The following STX1A variants were observed in gnomAD, a reference collection of about 807,000 sequenced individuals.
STX1A encodes syntaxin-1A.
A neutral mutation model predicts 37.8 loss-of-function variants in STX1A; 4 were observed. The observed-to-expected ratio is 0.11, with a 90% CI of 0.05 to 0.24. The LOEUF (loss-of-function observed/expected upper bound fraction) is 0.24. STX1A is among the 10% of genes least tolerant of loss of function. The pLI is 1.00. For missense variants in STX1A, 251 were observed against 399.9 expected (o/e 0.63, Z 3.18); for synonymous variants, 135 against 147.4 (o/e 0.92, Z 0.61).
chr7:73,714,706 C>G (rs573416189), intron 1 of STX1A, among the ~76,000 whole-genome samples: 3 of 151,860 alleles, frequency 2.0e-5, no homozygotes, highest in African/African-American at 7.3e-5. Flanking sequence ...AGCTAACATC[C>G]TGGTGTTTTT....
At chr7:73,708,565 C>T (rs1798971983) in intron 3 of STX1A, 24 bp downstream of exon 3, 1 of 1,604,976 alleles carries the variant, frequency 6.2e-7, no homozygotes, top group Non-Finnish European at 8.5e-7. Context: ...GGCCTGAAAC[C>T]CGTCCCCCGC....
chr7:73,714,929 A>G (rs1163666024), intron 1 of STX1A, among the ~76,000 whole-genome samples: 6 of 152,044 alleles, frequency 3.9e-5, no homozygotes, highest in Admixed American at 1.3e-4. Context: ...GTTCAAGAAC[A>G]GCCTGGTCAA....
chr7:73,719,655 C>T lies in STX1A; in HGVS notation c.-24G>A. 4 of 1,180,636 alleles carry T rather than the reference C, an allele frequency of 3.4e-6. No individual in the cohort carries two copies. The highest frequency in any genetic ancestry group is 4.2e-6 in the Non-Finnish European group (4 of 951,764). The allele number at this position is 1,180,636 out of a possible 1,614,324, so 73.1% of individuals were successfully genotyped here. On this transcript the variant is annotated 5_prime_UTR_variant, in exon 1 of 10. Transcript: ENST00000222812. Reference sequence around the variant, plus strand: ...ATGCTCCCGGGAGTGGCAGCGGCGCCGGCTGCAGCCGTGTGAGCCCCGCAT... The same window carrying T: ...ATGCTCCCGGGAGTGGCAGCGGCGCTGGCTGCAGCCGTGTGAGCCCCGCAT...
At chr7:73,715,023 G>A (rs1307982926) in intron 1 of STX1A, among the ~76,000 whole-genome samples, 1 of 152,038 alleles carries the variant, frequency 6.6e-6, no homozygotes, top group Non-Finnish European at 1.5e-5. Flanking sequence ...TACTCGGTAG[G>A]ATGAGGCAGG....
chr7:73,714,709 G>GTGTTTT (rs1174773491), intron 1 of STX1A, among the ~76,000 whole-genome samples: 3 of 151,800 alleles, frequency 2.0e-5, no homozygotes, highest in African/African-American at 4.8e-5. Context: ...TAACATCCTG[G>GTGTTTT]TGTTTTTTTG....
Position 73,702,817 on chromosome 7 carries a change from G to C in STX1A, c.678+28C>G, listed in dbSNP as rs782339479. ...GCCCTGGGTGCTGGTGTGGGCTGGA[G>C]TGGAGGGCAGGGGGGCCCGGCACTC... On this transcript the variant is annotated intron_variant, in intron 8 of 9. Transcript: ENST00000222812. The surrounding 1 kb of genome is among the most constrained non-coding windows in gnomAD (Gnocchi z 4.7). 1 of 1,613,860 alleles carries C rather than the reference G, an allele frequency of 6.2e-7. No individual in the cohort carries two copies. The highest frequency in any genetic ancestry group is 8.5e-7 in the Non-Finnish European group (1 of 1,179,966).
chr7:73,719,562 C>A (rs1554619250), intron 1 of STX1A, 40 bp downstream of exon 1: 1 of 1,204,734 alleles, frequency 8.3e-7, no homozygotes. Context: ...TTGGCGCTGG[C>A]GGCGGGCGGC....
intron 1 of STX1A, among the ~76,000 whole-genome samples, chr7:73,718,831 C>T (rs903843136): frequency 5.9e-5 from 9 of 152,026 alleles, no homozygotes; most frequent in Admixed American, 1.3e-4. Context: ...AGGAGCCACA[C>T]CCCAGGGGTT....
rs964369427 is a variant in STX1A, at chr7:73,708,781, C to A, written c.109-93G>T. On this transcript the variant is annotated intron_variant, in intron 2 of 9. Coordinates refer to ENST00000222812, the MANE Select transcript of STX1A (RefSeq NM_004603.4). ...GCCCAGAGTAGGGCTGCGGTCAGGGCTCAGGGGGAGGACGGGCCAGGCTCC... is the reference window on the plus strand; with the variant it reads ...GCCCAGAGTAGGGCTGCGGTCAGGGATCAGGGGGAGGACGGGCCAGGCTCC... 2.6e-5 allele frequency: 36 copies of A among 1,387,194 alleles called. No individual in the cohort carries two copies. In the African/African-American group the frequency reaches 3.6e-4, roughly 14 times the overall value. 85.9% of individuals were successfully genotyped at this position (1,387,194 alleles called of 1,614,324 possible).
chr7:73,700,142 G>A lies in STX1A; in HGVS notation c.*265C>T. ...TGTGTCACCCTGGCGGCCCTGCCTGGGTCTGCTCCTCGCTGTGCACACTGC... is the reference window on the plus strand; with the variant it reads ...TGTGTCACCCTGGCGGCCCTGCCTGAGTCTGCTCCTCGCTGTGCACACTGC... On this transcript the variant is annotated 3_prime_UTR_variant, in exon 10 of 10. Coordinates refer to ENST00000222812, the MANE Select transcript of STX1A (RefSeq NM_004603.4). The surrounding 1 kb of genome is among the most constrained non-coding windows in gnomAD (Gnocchi z 4.4). 1.8e-6 allele frequency: 1 copy of A among 546,798 alleles called. No homozygotes were observed. 33.9% of individuals were successfully genotyped at this position (546,798 alleles called of 1,614,324 possible).
Position 73,706,615 on chromosome 7 carries a change from C to T in STX1A, c.209-1391G>A, listed in dbSNP as rs1049928883. ...CATGACACCGCAGCAGGAGACGGTG[C>T]AGGAGGTGGCCTGCAGGAGCCCAAG... On this transcript the variant is annotated intron_variant, in intron 3 of 9. Transcript: ENST00000222812. The surrounding 1 kb of genome is among the most constrained non-coding windows in gnomAD (Gnocchi z 4.6). Among the ~76,000 whole-genome samples, 38 of 152,252 alleles carry T rather than the reference C, an allele frequency of 2.5e-4. No individual in the cohort carries two copies. The highest frequency in any genetic ancestry group is 8.4e-4 in the African/African-American group (35 of 41,534).
At chr7:73,703,434 C>A (rs1554616226) in intron 7 of STX1A, 2 of 612,112 alleles carry the variant, frequency 3.3e-6, no homozygotes, top group Admixed American at 4.3e-5. Flanking sequence ...CACCCCTGCC[C>A]GGCTTCACGT....
At chr7:73,703,535 A>C (rs1300814709) in intron 7 of STX1A, 18 of 708,594 alleles carry the variant, frequency 2.5e-5, no homozygotes, top group African/African-American at 1.9e-4. Context: ...AGTGAGTCCA[A>C]CTGGGAGGCA....
At chr7:73,703,010 C>T (rs782049944) in intron 7 of STX1A, 28 bp from the exon 8 acceptor site, 1 of 1,560,982 alleles carries the variant, frequency 6.4e-7, no homozygotes, top group South Asian at 1.2e-5. Flanking sequence ...GGGCTGGGAC[C>T]CAGAGGCTTG....
rs782767575 is a variant in STX1A at position 73,702,724 on chromosome 7, G to T, written c.678+121C>A. 5 of 1,560,632 alleles carry T rather than the reference G, an allele frequency of 3.2e-6. No homozygotes were observed. Among genetic ancestry groups the T allele is most frequent in the Middle Eastern group, 4.2e-4 (2 of 4,766 alleles). On this transcript the variant is annotated intron_variant, in intron 8 of 9. Coordinates refer to ENST00000222812, the MANE Select transcript of STX1A (RefSeq NM_004603.4). The surrounding 1 kb of genome is among the most constrained non-coding windows in gnomAD (Gnocchi z 4.7). ...GCGGCAGTTTCAACAGCGGGTGATT[G>T]GTTACCTGAGAACTTGGTCCCTCCC...
At chr7:73,708,993 G>GC (rs1798992937) in intron 2 of STX1A, 52 bp downstream of exon 2, 22 of 1,594,632 alleles carry the variant, frequency 1.4e-5, no homozygotes, top group Non-Finnish European at 1.9e-5. Context: ...GGCGAGAGTG[G>GC]CCCCCCAAGT....
chr7:73,719,431 G>A (rs1159903189), intron 1 of STX1A, among the ~76,000 whole-genome samples, 171 bp downstream of exon 1: 1 of 152,172 alleles, frequency 6.6e-6, no homozygotes, highest in Non-Finnish European at 1.5e-5. Context: ...GTGGGTCCGA[G>A]GGGCGGAACC....
chr7:73,711,515 C>G (rs570353985), intron 1 of STX1A: 1 of 152,760 alleles, frequency 6.5e-6, no homozygotes, highest in African/African-American at 2.4e-5. Context: ...CCCCCTCCCC[C>G]ACCAAGCTCC....
chr7:73,707,559 CT>C (rs1329861310), intron 3 of STX1A, among the ~76,000 whole-genome samples: 1 of 152,184 alleles, frequency 6.6e-6, no homozygotes, highest in African/African-American at 2.4e-5. Context: ...TCCTTCCCTC[CT>C]TCCTTCCCTC....
Sources: gnomAD v4.1 joint callset for allele counts (sites outside exome capture counted in the v4.1 genomes callset) on GRCh38, gnomAD v4.1.1 for gene constraint, Gnocchi (gnomAD v3.1) non-coding constraint, MANE v1.5 for transcripts, NCBI Gene and HGNC (gene_info 2026-07-23, HGNC 2026-07-21) for gene names.